COL13A1: variants seen among roughly 807,000 people sequenced by gnomAD.
COL13A1 encodes collagen alpha-1(XIII) chain.
In COL13A1, 89 loss-of-function variants were observed where a neutral mutation model predicts 130.9. The ratio of observed to expected loss-of-function variants is 0.68; its 90% CI spans 0.57 to 0.81. The LOEUF (loss-of-function observed/expected upper bound fraction) is 0.81, where lower values mean the gene tolerates loss of function less well. COL13A1 is among the 30% of genes least tolerant of loss of function. COL13A1 has a pLI of 0.00. For missense variants in COL13A1, 879 were observed against 934.6 expected, an observed-to-expected ratio of 0.94 and a Z score of 0.78; for synonymous variants, 402 against 341.6, an observed-to-expected ratio of 1.18 and a Z score of -1.95.
chr10:69,808,488 A>G (rs900858165), intron 1 of COL13A1, among the ~76,000 whole-genome samples: 44 of 151,974 alleles, frequency 2.9e-4, no homozygotes, highest in African/African-American at 9.9e-4. Context: ...CTCATCGCTC[A>G]ATACACTCTT....
At chr10:69,836,189 G>A (rs1200724607) in intron 2 of COL13A1, among the ~76,000 whole-genome samples, 2 of 152,248 alleles carry the variant, frequency 1.3e-5, no homozygotes, top group Non-Finnish European at 2.9e-5. Context: ...AGAGCCCACA[G>A]TCCAGGAAGG....
intron 38 of COL13A1, among the ~76,000 whole-genome samples, chr10:69,949,986 G>GTGTT (rs2069225450): frequency 6.6e-6 from 1 of 151,544 alleles, no homozygotes; most frequent in South Asian, 2.1e-4. Context: ...GTGTGTGCAT[G>GTGTT]TGTTTGTGTG....
chr10:69,936,893 C>A, intron 33 of COL13A1, 111 bp downstream of exon 33: 1 of 1,230,142 alleles, frequency 8.1e-7, no homozygotes, highest in Non-Finnish European at 1.2e-6. Flanking sequence ...GACACTCCAG[C>A]CAAGGGGGTC....
rs1173055120 is a variant in COL13A1, at chr10:69,811,703, G to A, written c.294+8986G>A. The stretch of plus-strand genomic sequence containing the variant: ...CTCAAGCTTACACACCTCAGTGACG[G>A]GGAGCTCACTACCTTATATTGCTGA... On this transcript the variant is annotated intron_variant, in intron 1 of 40. Coordinates refer to ENST00000645393, the MANE Select transcript of COL13A1 (RefSeq NM_001368882.1). 3.3e-5 allele frequency among the ~76,000 whole-genome samples: 5 copies of A among 152,238 alleles called. 1 individual carries two copies. Among genetic ancestry groups the A allele is most frequent in the Admixed American group, 6.5e-5 (1 of 15,298 alleles).
intron 2 of COL13A1, among the ~76,000 whole-genome samples, chr10:69,840,118 G>C (rs1179050585): frequency 6.6e-6 from 1 of 152,166 alleles, no homozygotes; most frequent in Non-Finnish European, 1.5e-5. Flanking sequence ...CTTGCTGATG[G>C]GCTGGCTGTC....
intron 22 of COL13A1, among the ~76,000 whole-genome samples, chr10:69,922,276 T>G (rs1315230271): frequency 6.6e-6 from 1 of 151,830 alleles, no homozygotes; most frequent in Non-Finnish European, 1.5e-5. Flanking sequence ...AGGGGAGACA[T>G]GCATAATAAG....
chr10:69,836,535 G>C (rs1850117706), intron 2 of COL13A1, among the ~76,000 whole-genome samples: 1 of 152,240 alleles, frequency 6.6e-6, no homozygotes, highest in Admixed American at 6.5e-5. Flanking sequence ...GGGAGGGTCA[G>C]AGCTCCAGCT....
chr10:69,868,094 T>C (rs2058702954), intron 3 of COL13A1, among the ~76,000 whole-genome samples: 1 of 147,616 alleles, frequency 6.8e-6, no homozygotes, highest in Non-Finnish European at 1.5e-5. Flanking sequence ...CTCAGTTCCT[T>C]TGTCCCCAAA....
intron 1 of COL13A1, among the ~76,000 whole-genome samples, chr10:69,805,132 G>A (rs2132063691): frequency 6.6e-6 from 1 of 152,286 alleles, no homozygotes; most frequent in Admixed American, 6.5e-5. Flanking sequence ...GCTGGAGAGA[G>A]ACGGGCAGCC....
chr10:69,812,052 A>C (rs1360696057), intron 1 of COL13A1, among the ~76,000 whole-genome samples: 1 of 152,078 alleles, frequency 6.6e-6, no homozygotes, highest in Non-Finnish European at 1.5e-5. Flanking sequence ...TCTCTTATCC[A>C]CACAGTAGCC....
At chr10:69,876,322 C>T (rs1287620404) in intron 5 of COL13A1, among the ~76,000 whole-genome samples, 1 of 152,196 alleles carries the variant, frequency 6.6e-6, no homozygotes, top group African/African-American at 2.4e-5. Flanking sequence ...TTGATCCTGA[C>T]AATATTACTA....
At chr10:69,930,183 G>C in intron 29 of COL13A1, 96 bp downstream of exon 29, 1 of 1,305,942 alleles carries the variant, frequency 7.7e-7, no homozygotes. Flanking sequence ...GCCCTGGTGT[G>C]AGCCCAGTGG....
At chr10:69,939,631 T>G (rs546907203) in intron 34 of COL13A1, among the ~76,000 whole-genome samples, 3 of 152,252 alleles carry the variant, frequency 2.0e-5, no homozygotes, top group Non-Finnish European at 2.9e-5. Flanking sequence ...GCAGAAGCAA[T>G]TCTCAATGCT....
intron 2 of COL13A1, among the ~76,000 whole-genome samples, chr10:69,833,447 G>A (rs890848329): frequency 6.6e-6 from 1 of 152,180 alleles, no homozygotes; most frequent in East Asian, 1.9e-4. Context: ...GTCCACCTGC[G>A]GGTAGAGGGC....
chr10:69,860,542 T>G (rs1857720075), intron 2 of COL13A1: 1 of 155,252 alleles, frequency 6.4e-6, no homozygotes, highest in Non-Finnish European at 1.4e-5. Context: ...CGAGACACCA[T>G]TTCCCTCTCT....
intron 17 of COL13A1, among the ~76,000 whole-genome samples, chr10:69,913,741 A>G (rs942674661): frequency 6.6e-6 from 1 of 152,108 alleles, no homozygotes; most frequent in Non-Finnish European, 1.5e-5. Context: ...TTCAGAGGTC[A>G]GGCAGGGGCA....
intron 40 of COL13A1, 25 bp downstream of exon 40, chr10:69,957,067 T>C (rs773659526): frequency 6.9e-6 from 11 of 1,603,654 alleles, no homozygotes; most frequent in Non-Finnish European, 9.4e-6. Flanking sequence ...TGGTGTGCAC[T>C]GGGGCTCCGT....
At chr10:69,874,704 C>T (rs2059411065) in intron 4 of COL13A1, among the ~76,000 whole-genome samples, 1 of 152,194 alleles carries the variant, frequency 6.6e-6, no homozygotes, top group Non-Finnish European at 1.5e-5. Context: ...AGTGATTCAC[C>T]CATCTGTCAC....
intron 1 of COL13A1, among the ~76,000 whole-genome samples, chr10:69,819,759 G>A (rs10998986): frequency 0.052 from 7,960 of 152,244 alleles, 268 homozygotes; most frequent in East Asian, 0.16. Context: ...GTGCTTTATG[G>A]CTGTCAACAA....
Sources: gnomAD v4.1 joint callset for allele counts (sites outside exome capture counted in the v4.1 genomes callset) on GRCh38, gnomAD v4.1.1 for gene constraint, MANE v1.5 for transcripts, NCBI Gene and HGNC (gene_info 2026-07-23, HGNC 2026-07-21) for gene names.